The following CNTN5 variants were observed in gnomAD, a reference collection of about 807,000 sequenced individuals.
CNTN5 encodes the protein contactin 5, also known as contactin-5.
In CNTN5, 77 loss-of-function variants were observed where a neutral mutation model predicts 129.1. The observed-to-expected ratio is 0.60, with a 90% CI of 0.50 to 0.72. CNTN5 has a LOEUF of 0.72. Among genes scored for constraint, CNTN5 ranks in the 30% least tolerant of loss-of-function variants. CNTN5 has a pLI of 0.00. For synonymous variants in CNTN5, 509 were observed against 465.6 expected (o/e 1.09, Z -1.20); for missense variants, 1,478 against 1,328.8 (o/e 1.11, Z -1.75).
intron 1 of CNTN5, among the ~76,000 whole-genome samples, chr11:99,023,917 G>A (rs2135058725): frequency 6.6e-6 from 1 of 152,148 alleles, no homozygotes; most frequent in Middle Eastern, 3.4e-3. Context: ...GACAATCCAA[G>A]CATAAAGTAA....
At chr11:100,174,128 G>A (rs1267479231) in intron 13 of CNTN5, among the ~76,000 whole-genome samples, 1 of 152,076 alleles carries the variant, frequency 6.6e-6, no homozygotes, top group Non-Finnish European at 1.5e-5. Context: ...ATAGTTAAAG[G>A]CAACGGTTAG....
At chr11:99,997,855 G>A (rs201387256) in intron 8 of CNTN5, among the ~76,000 whole-genome samples, 10,697 of 152,050 alleles carry the variant, frequency 0.07, 774 homozygotes, top group East Asian at 0.31. Context: ...TTCAATATAC[G>A]CATATCAATA....
At chr11:99,428,241 T>G (rs1349975288) in intron 2 of CNTN5, among the ~76,000 whole-genome samples, 2 of 149,884 alleles carry the variant, frequency 1.3e-5, no homozygotes, top group African/African-American at 4.9e-5. Context: ...AAATTATTTT[T>G]CTTTTAATAA....
chr11:99,074,224 T>TGGA (rs1235176945), intron 1 of CNTN5, among the ~76,000 whole-genome samples: 5 of 152,238 alleles, frequency 3.3e-5, no homozygotes, highest in South Asian at 2.1e-4. Context: ...TTGATGGAGT[T>TGGA]GTTTTTTTTT....
Position 99,136,400 on chromosome 11 carries a change from A to G in CNTN5, c.-210+115130A>G, listed in dbSNP as rs117969961. 8.7e-4 allele frequency among the ~76,000 whole-genome samples: 132 copies of G among 152,210 alleles called. 2 individuals are homozygous for G. The East Asian group carries it at 0.024, about 28-fold the overall frequency. On this transcript the variant is annotated intron_variant, in intron 1 of 24. Transcript: ENST00000524871. ...ATTGCTCCTAAAGTATATATCCCAA[A>G]CCTAATTATTTTTTGTCCCTTGATT... is the stretch of plus-strand genomic sequence containing the variant.
At chr11:99,501,504 C>T (rs1439627809) in intron 2 of CNTN5, among the ~76,000 whole-genome samples, 1 of 152,168 alleles carries the variant, frequency 6.6e-6, no homozygotes, top group Non-Finnish European at 1.5e-5. Context: ...TTCAAGAAAC[C>T]ACTGACACAG....
intron 17 of CNTN5, among the ~76,000 whole-genome samples, chr11:100,266,743 A>G (rs1013207064): frequency 2.6e-5 from 4 of 151,626 alleles, no homozygotes; most frequent in Admixed American, 1.3e-4. Flanking sequence ...ATAAATATGC[A>G]TAACTTTGGA....
At chr11:99,804,615 A>G (rs1946214267) in intron 3 of CNTN5, among the ~76,000 whole-genome samples, 1 of 151,370 alleles carries the variant, frequency 6.6e-6, no homozygotes. Flanking sequence ...TATAATTCTT[A>G]CATCTTTGCA....
intron 15 of CNTN5, among the ~76,000 whole-genome samples, chr11:100,205,917 A>C (rs963718796): frequency 6.6e-6 from 1 of 152,058 alleles, no homozygotes. Context: ...ATTTTATCTC[A>C]GTTCCATGGA....
chr11:100,166,122 T>C (rs754390550), intron 13 of CNTN5, among the ~76,000 whole-genome samples: 14 of 151,814 alleles, frequency 9.2e-5, no homozygotes, highest in Non-Finnish European at 1.5e-4. Flanking sequence ...CATGAATCCC[T>C]TTAACTACCA....
intron 1 of CNTN5, among the ~76,000 whole-genome samples, chr11:99,054,868 C>T (rs1165864955): frequency 6.6e-6 from 1 of 151,854 alleles, no homozygotes; most frequent in Non-Finnish European, 1.5e-5. Context: ...GATTTAAGTG[C>T]TCAGTTTATT....
At chr11:99,742,407 A>C (rs1457981003) in intron 3 of CNTN5, among the ~76,000 whole-genome samples, 1 of 152,200 alleles carries the variant, frequency 6.6e-6, no homozygotes. Context: ...AATGGAAAGA[A>C]GGAAACCTTG....
Position 99,104,010 on chromosome 11 carries a change from C to T in CNTN5, c.-210+82740C>T, listed in dbSNP as rs144960359. 1.3e-3 allele frequency among the ~76,000 whole-genome samples: 191 copies of T among 152,202 alleles called. 1 individual carries two copies. Among genetic ancestry groups the T allele is most frequent in the African/African-American group, 4.3e-3 (180 of 41,534 alleles). ...ATACAGTTCTTTTGCTTTAAACCTC[C>T]AATTTTGTGGAATTCTTTTATGGCA... On this transcript the variant is annotated intron_variant, in intron 1 of 24. Coordinates refer to ENST00000524871, the MANE Select transcript of CNTN5 (RefSeq NM_014361.4).
At chr11:99,816,616 C>T (rs1160426593) in intron 3 of CNTN5, among the ~76,000 whole-genome samples, 1 of 152,176 alleles carries the variant, frequency 6.6e-6, no homozygotes, top group Non-Finnish European at 1.5e-5. Context: ...CCATTTCTGA[C>T]CAATCTTTGC....
At chr11:99,166,759 CT>C (rs10700454) in intron 1 of CNTN5, among the ~76,000 whole-genome samples, 43 of 143,800 alleles carry the variant, frequency 3.0e-4, no homozygotes, top group South Asian at 4.3e-4. Flanking sequence ...TTTCCTTTTT[CT>C]TTTTTTTTTT....
At chr11:99,557,836 A>G (rs1948722790) in intron 3 of CNTN5, among the ~76,000 whole-genome samples, 1 of 151,746 alleles carries the variant, frequency 6.6e-6, no homozygotes, top group Admixed American at 6.6e-5. Flanking sequence ...ATAAGTTGTT[A>G]TGTGTTGAAT....
intron 2 of CNTN5, among the ~76,000 whole-genome samples, chr11:99,545,125 C>T (rs888230066): frequency 3.3e-5 from 5 of 152,132 alleles, no homozygotes; most frequent in Middle Eastern, 3.2e-3. Flanking sequence ...TTTTATCAGA[C>T]ATTTGCCTTG....
chr11:100,213,518 A>AG (rs1949077260), intron 15 of CNTN5, among the ~76,000 whole-genome samples: 2 of 152,298 alleles, frequency 1.3e-5, no homozygotes. Context: ...ATCCTCTTTC[A>AG]TAAAATTCAA....
chr11:99,448,486 GA>G (rs1565590658), intron 2 of CNTN5, among the ~76,000 whole-genome samples: 1 of 151,940 alleles, frequency 6.6e-6, no homozygotes, highest in African/African-American at 2.4e-5. Context: ...GAACAGTTTA[GA>G]AACCTTTCGA....
Sources: gnomAD v4.1 joint callset for allele counts (sites outside exome capture counted in the v4.1 genomes callset) on GRCh38, gnomAD v4.1.1 for gene constraint, MANE v1.5 for transcripts, NCBI Gene and HGNC (gene_info 2026-07-23, HGNC 2026-07-21) for gene names.